Variants in EYS observed in about 807,000 individuals in gnomAD.
The protein encoded by EYS is EGF-like photoreceptor maintenance factor.
A neutral mutation model predicts 282.1 loss-of-function variants in EYS; 250 were observed. The observed-to-expected ratio is 0.89, with a 90% CI of 0.80 to 0.98. The LOEUF (loss-of-function observed/expected upper bound fraction) is 0.98. Among genes scored for constraint, EYS ranks in the 50% least tolerant of loss-of-function variants. The probability of loss-of-function intolerance (pLI) is 0.00; values close to 1 mark genes in which losing one functional copy is unlikely to be tolerated. For missense variants in EYS, 4,016 were observed against 3,709.0 expected (o/e 1.08, Z -2.15); for synonymous variants, 1,355 against 1,282.9 (o/e 1.06, Z -1.20).
In EYS at chr6:64,330,456, G is replaced by A. The variant is rs372648310; in HGVS notation, c.6079-23374C>T. On this transcript the variant is annotated intron_variant, in intron 29 of 42. Transcript: ENST00000503581. ...TCCTGTGGGGAAAAGAGCAGGACAC[G>A]GCCTTCAAAGAAATCAAGAAGGCCT... 1.2e-4 allele frequency among the ~76,000 whole-genome samples: 19 copies of A among 152,278 alleles called. No individual in the cohort carries two copies. The East Asian group carries it at 1.7e-3, about 14-fold the overall frequency.
intron 32 of EYS, among the ~76,000 whole-genome samples, chr6:64,073,175 A>G (rs1438498632): frequency 1.3e-5 from 2 of 151,888 alleles, no homozygotes; most frequent in African/African-American, 2.4e-5. Context: ...ACAGTCTGCT[A>G]TATATTAACA....
At position 65,542,730 on chromosome 6, in the gene EYS, G is replaced by A. The variant is rs115273903; in HGVS notation, c.-332-46737C>T. Among the ~76,000 whole-genome samples the A allele has an allele frequency of 2.9e-3, 435 of 151,986 alleles. 1 individual carries two copies. Among genetic ancestry groups the A allele is most frequent in the Non-Finnish European group, 4.3e-3 (290 of 67,974 alleles). ...ACTCTATTTCAATGACATAAACACC[G>A]GCTACTTGATAAACCTTGATATTGG... On this transcript the variant is annotated intron_variant, in intron 2 of 42. Coordinates refer to ENST00000503581, the MANE Select transcript of EYS (RefSeq NM_001142800.2).
chr6:64,795,897 A>G (rs1774341025), intron 22 of EYS, among the ~76,000 whole-genome samples: 1 of 152,186 alleles, frequency 6.6e-6, no homozygotes, highest in African/African-American at 2.4e-5. Context: ...CTGAGGGTTT[A>G]TGCATTGTAG....
Position 63,720,097 on chromosome 6 carries a change from TATAA to T in EYS, c.*495_*498del, listed in dbSNP as rs1254674267. 2 of 155,754 alleles carry T rather than the reference TATAA, an allele frequency of 1.3e-5. No homozygotes were observed. The highest frequency in any genetic ancestry group is 6.5e-5 in the Admixed American group (1 of 15,336). 9.6% of individuals were successfully genotyped at this position (155,754 alleles called of 1,614,324 possible). ...GTTCAAGTTTTACATTGTTGAATCATATAAATAAGTTGTAGCTAAGCCATGTAAT... is the reference window on the plus strand; with the variant it reads ...GTTCAAGTTTTACATTGTTGAATCATATAAGTTGTAGCTAAGCCATGTAAT... On this transcript the variant is annotated 3_prime_UTR_variant, in exon 43 of 43. Transcript: ENST00000503581.
intron 30 of EYS, among the ~76,000 whole-genome samples, chr6:64,275,256 T>C (rs939741980): frequency 2.6e-5 from 4 of 152,190 alleles, no homozygotes; most frequent in Admixed American, 2.6e-4. Context: ...TCTTTCAAGT[T>C]CTGATAGGGT....
In EYS at chr6:63,863,578, T is replaced by C. The variant is rs1772588996; in HGVS notation, c.7228+608A>G. Among the ~76,000 whole-genome samples, 5 of 152,122 alleles carry C rather than the reference T, an allele frequency of 3.3e-5. No homozygotes were observed. The South Asian group carries it at 1.0e-3, about 32-fold the overall frequency. ...TTACTCTCTTATACCTAGCTAGACT[T>C]TGAGATTTTACAATACATAGATTTT... On this transcript the variant is annotated intron_variant, in intron 36 of 42. Coordinates refer to ENST00000503581, the MANE Select transcript of EYS (RefSeq NM_001142800.2).
intron 2 of EYS, among the ~76,000 whole-genome samples, chr6:65,610,164 C>T (rs918436431): frequency 6.6e-6 from 1 of 152,072 alleles, no homozygotes; most frequent in African/African-American, 2.4e-5. Context: ...CCCTTAGACT[C>T]CCAAAACACT....
At chr6:65,159,422 A>T (rs984227575) in intron 12 of EYS, among the ~76,000 whole-genome samples, 4 of 150,810 alleles carry the variant, frequency 2.7e-5, no homozygotes, top group Non-Finnish European at 4.5e-5. Flanking sequence ...TAGGCCAATG[A>T]CATTTTGGCT....
chr6:64,812,569 T>C (rs1764630325), intron 22 of EYS, among the ~76,000 whole-genome samples: 1 of 151,930 alleles, frequency 6.6e-6, no homozygotes, highest in South Asian at 2.1e-4. Context: ...TATTAGTGTC[T>C]TAAAAAGAAA....
intron 26 of EYS, among the ~76,000 whole-genome samples, chr6:64,454,615 C>T (rs1412968458): frequency 6.6e-6 from 1 of 151,992 alleles, no homozygotes; most frequent in Non-Finnish European, 1.5e-5. Context: ...ACCAAAAATA[C>T]AACATGTATA....
At chr6:65,009,097 G>A (rs1456288678) in intron 13 of EYS, among the ~76,000 whole-genome samples, 1 of 152,124 alleles carries the variant, frequency 6.6e-6, no homozygotes, top group East Asian at 1.9e-4. Flanking sequence ...GTTGTCCCCT[G>A]CTTGAGGAAG....
At chr6:64,645,133 A>G (rs1768303054) in intron 22 of EYS, among the ~76,000 whole-genome samples, 1 of 152,224 alleles carries the variant, frequency 6.6e-6, no homozygotes, top group Non-Finnish European at 1.5e-5. Flanking sequence ...TCTCTTTGCC[A>G]CCAGACTAAT....
intron 5 of EYS, among the ~76,000 whole-genome samples, chr6:65,412,342 T>G (rs1037884260): frequency 6.6e-6 from 1 of 152,090 alleles, no homozygotes. Flanking sequence ...TGAAAGTAAA[T>G]TTTTATCCTA....
chr6:65,251,039 G>GAAA (rs61504367), intron 12 of EYS, among the ~76,000 whole-genome samples: 4 of 88,816 alleles, frequency 4.5e-5, no homozygotes, highest in East Asian at 5.0e-4. Flanking sequence ...AATAACAACA[G>GAAA]AAAAAAAAAA....
chr6:65,384,377 A>C lies in EYS; in HGVS notation c.1299+9T>G. ...GCTAACTTATGTTGCCATGTATTAA[A>C]TTACTTACTTTGAATCTTCCAATTA... On this transcript the variant is annotated intron_variant, in intron 8 of 42. Coordinates refer to ENST00000503581, the MANE Select transcript of EYS (RefSeq NM_001142800.2). 1 of 1,507,258 alleles carries C rather than the reference A, an allele frequency of 6.6e-7. No individual in the cohort carries two copies. Among genetic ancestry groups the C allele is most frequent in the East Asian group, 2.3e-5 (1 of 44,040 alleles). The allele number at this position is 1,507,258 out of a possible 1,614,324, so 93.4% of individuals were successfully genotyped here.
chr6:64,580,398 T>C (rs961566374), intron 26 of EYS, among the ~76,000 whole-genome samples: 36 of 152,114 alleles, frequency 2.4e-4, no homozygotes, highest in African/African-American at 8.0e-4. Context: ...AGTCTTCCAA[T>C]AGGCAGTGGC....
In EYS at chr6:64,330,700, G is replaced by A. The variant is rs1368719036; in HGVS notation, c.6079-23618C>T. Among the ~76,000 whole-genome samples, 3 of 152,270 alleles carry A rather than the reference G, an allele frequency of 2.0e-5. No homozygotes were observed. The East Asian group carries it at 5.8e-4, about 29-fold the overall frequency. On this transcript the variant is annotated intron_variant, in intron 29 of 42. Coordinates refer to ENST00000503581, the MANE Select transcript of EYS (RefSeq NM_001142800.2). ...CAAGATGCTAACAAGCTCACATTTG[G>A]ACAAAGGTTAATAATTTGCGTGCCC...
chr6:65,445,487 T>G (rs1020171586), intron 5 of EYS, among the ~76,000 whole-genome samples: 6 of 151,872 alleles, frequency 4.0e-5, no homozygotes, highest in Non-Finnish European at 8.8e-5. Context: ...TGCTAATTTA[T>G]ATTTTAACTT....
intron 2 of EYS, among the ~76,000 whole-genome samples, chr6:65,519,731 T>TTTTTTTTC: frequency 8.1e-6 from 1 of 123,858 alleles, no homozygotes; most frequent in Non-Finnish European, 1.7e-5. Context: ...TTTTTTTTTT[T>TTTTTTTTC]TTGAGATAAG....
Sources: allele counts gnomAD v4.1 joint callset (sites outside exome capture counted in the v4.1 genomes callset), GRCh38; gene constraint gnomAD v4.1.1; transcripts MANE v1.5; gene names NCBI Gene and HGNC (gene_info 2026-07-23, HGNC 2026-07-21).